Variants in ADGRV1 observed in about 807,000 individuals in gnomAD.
ADGRV1 encodes the protein adhesion G protein-coupled receptor V1.
In ADGRV1, 359 loss-of-function variants were observed where a neutral mutation model predicts 596.2. The observed-to-expected ratio is 0.60, with a 90% CI of 0.55 to 0.66. The LOEUF (loss-of-function observed/expected upper bound fraction) is 0.66, where lower values mean the gene tolerates loss of function less well. Ranked by LOEUF, ADGRV1 falls within the 30% of genes least tolerant of loss-of-function variation. The pLI, the probability that ADGRV1 is intolerant of heterozygous loss-of-function variation, is 0.00. For missense variants in ADGRV1, 7,274 were observed against 7,575.6 expected, an observed-to-expected ratio of 0.96 and a Z score of 1.48; for synonymous variants, 2,681 against 2,679.2, an observed-to-expected ratio of 1.00 and a Z score of -0.02.
chr5:90,725,534 ACT>A lies in ADGRV1; in HGVS notation c.10054-12_10054-11del. 1 of 1,317,546 alleles carries A rather than the reference ACT, an allele frequency of 7.6e-7. No individual in the cohort carries two copies. Among genetic ancestry groups the A allele is most frequent in the Non-Finnish European group, 1.1e-6 (1 of 911,544 alleles). 81.6% of individuals were successfully genotyped at this position (1,317,546 alleles called of 1,614,324 possible). A position where few individuals can be genotyped will look rare whatever the true frequency, so the allele number is the denominator to read the frequency against. ...AACTCTCCTTTAAGTTTTCATTCCC[ACT>A]CTGTCCTTGCAGGTACAAACAATCA... is the stretch of plus-strand genomic sequence containing the variant. On this transcript the variant is annotated splice_polypyrimidine_tract_variant and intron_variant, in intron 47 of 89. Coordinates refer to ENST00000405460, the MANE Select transcript of ADGRV1 (RefSeq NM_032119.4).
Position 90,635,274 on chromosome 5 carries a change from AT to A in ADGRV1, c.2004del (p.Phe668LeufsTer25). 1 of 1,611,402 alleles carries A rather than the reference AT, an allele frequency of 6.2e-7. No homozygotes were observed. The highest frequency in any genetic ancestry group is 8.5e-7 in the Non-Finnish European group (1 of 1,178,768). On this transcript the variant is annotated frameshift_variant, in exon 10 of 90. Transcript: ENST00000405460. LOFTEE classifies it high-confidence loss of function. ...NLPIILHEPE[D>X]FAAEVVYIPL... ...CCAATTATTTTGCATGAACCAGAAG[AT>A]TTTGCTGCTGAAGTGGTAAGTAGGC...
chr5:90,690,112 C>G, intron 30 of ADGRV1, 36 bp downstream of exon 30: 1 of 1,148,676 alleles, frequency 8.7e-7, no homozygotes, highest in Non-Finnish European at 1.3e-6. Context: ...TTTGACTTGT[C>G]TGCATGTATA....
In ADGRV1 at chr5:91,072,447, G is replaced by T; in HGVS notation, c.18153G>T (p.Leu6051=). ...SQIYGLIHGD[L]CFIPNVYAAL... ...TTACTTCTTCTCATTTCTCTTCCAG[G>T]TGTTTTATTCCAAACGTCTATGCTG... Residue 6051 remains leucine, a splice_region_variant and synonymous_variant, in exon 86 of 90, where the codon CTG becomes CTT. Transcript: ENST00000405460. 2.5e-6 allele frequency: 4 copies of T among 1,612,930 alleles called. No homozygotes were observed. Among genetic ancestry groups the T allele is most frequent in the Non-Finnish European group, 3.4e-6 (4 of 1,179,018 alleles).
In ADGRV1 at chr5:90,739,313, C is replaced by T. The variant is rs142545317; in HGVS notation, c.10550-5733C>T. Among the ~76,000 whole-genome samples the T allele has an allele frequency of 1.4e-3, 213 of 151,994 alleles. 1 individual carries two copies. The highest frequency in any genetic ancestry group is 4.6e-3 in the African/African-American group (189 of 41,434). ...TATAGATCTCCATTTCTTCAAGATCCATTATTGGAACTTTATTAATTTCTT... is the reference window on the plus strand; with the variant it reads ...TATAGATCTCCATTTCTTCAAGATCTATTATTGGAACTTTATTAATTTCTT... On this transcript the variant is annotated intron_variant, in intron 50 of 89. Transcript: ENST00000405460.
At chr5:90,654,561 G>T (rs1417820223) in intron 20 of ADGRV1, 1 of 156,220 alleles carries the variant, frequency 6.4e-6, no homozygotes, top group Admixed American at 6.2e-5. Flanking sequence ...ACATTTGTGT[G>T]TGTGTGCACA....
At chr5:90,965,773 A>G (rs1778401175) in intron 84 of ADGRV1, among the ~76,000 whole-genome samples, 2 of 152,234 alleles carry the variant, frequency 1.3e-5, no homozygotes, top group Non-Finnish European at 2.9e-5. Context: ...TTAGAGATGA[A>G]GTCTGCAATG....
intron 1 of ADGRV1, 145 bp from the exon 2 acceptor site, chr5:90,614,690 T>C: frequency 1.4e-6 from 1 of 712,198 alleles, no homozygotes; most frequent in East Asian, 2.7e-5. Flanking sequence ...CATATTTGAG[T>C]TTGATGGCTT....
chr5:90,686,413 G>C (rs1745655287), intron 29 of ADGRV1, among the ~76,000 whole-genome samples: 2 of 151,984 alleles, frequency 1.3e-5, no homozygotes, highest in Admixed American at 1.3e-4. Flanking sequence ...CCCTTTCTGT[G>C]TCCATGTGTT....
At chr5:90,819,148 G>A (rs950548391) in intron 75 of ADGRV1, among the ~76,000 whole-genome samples, 7 of 152,268 alleles carry the variant, frequency 4.6e-5, no homozygotes, top group African/African-American at 1.4e-4. Context: ...TCTTGGGAGA[G>A]TGTATGTGTC....
rs751190316 is a variant in ADGRV1, at chr5:90,750,644, A to G, written c.11068A>G (p.Ile3690Val). 6.2e-7 allele frequency: 1 copy of G among 1,612,788 alleles called. No homozygotes were observed. Among genetic ancestry groups the G allele is most frequent in the Non-Finnish European group, 8.5e-7 (1 of 1,178,882 alleles). Residue 3690 changes from isoleucine to valine, a missense_variant, in exon 53 of 90, where the codon ATA (isoleucine) becomes GTA (valine). Ile to Val is a conservative substitution (Grantham distance 29). Around this residue, in one of 5 missense-constraint regions of ADGRV1, gnomAD observed 3,643 missense variants for 3,809.2 expected, o/e 0.96. Transcript: ENST00000405460. ...RLKGTYGRIT[I>V]AWEADGSISD... ...AAAAGGAACATATGGCCGTATAACC[A>G]TAGCATGGGAAGCTGATGGAAGTAT...
At position 90,628,851 on chromosome 5, in the gene ADGRV1, T is replaced by C. The variant is rs1224518386; in HGVS notation, c.1509+19T>C. 1.9e-6 allele frequency: 3 copies of C among 1,604,806 alleles called. No homozygotes were observed. Among genetic ancestry groups the C allele is most frequent in the Non-Finnish European group, 2.6e-6 (3 of 1,173,902 alleles). Reference sequence around the variant, plus strand: ...AGCGGAGGTATAACCCTTGTTATGCTTTATGCTTGTTAATATTTCTGTGCT... The same window carrying C: ...AGCGGAGGTATAACCCTTGTTATGCCTTATGCTTGTTAATATTTCTGTGCT... On this transcript the variant is annotated intron_variant, in intron 8 of 89. Transcript: ENST00000405460.
chr5:90,571,540 G>A (rs377547118), intron 1 of ADGRV1, among the ~76,000 whole-genome samples: 6 of 152,050 alleles, frequency 3.9e-5, no homozygotes, highest in African/African-American at 1.4e-4. Flanking sequence ...ATTACCTCTG[G>A]CAGCTATTAT....
intron 86 of ADGRV1, among the ~76,000 whole-genome samples, chr5:91,088,124 A>T (rs1212144054): frequency 1.3e-5 from 2 of 152,216 alleles, no homozygotes; most frequent in African/African-American, 4.8e-5. Flanking sequence ...GCTTATAGGA[A>T]AAATTTAAAT....
chr5:90,725,779 A>G, intron 48 of ADGRV1, 123 bp downstream of exon 48: 1 of 617,432 alleles, frequency 1.6e-6, no homozygotes, highest in Middle Eastern at 4.5e-4. Flanking sequence ...TGATTGTGGT[A>G]AAGTAGAATG....
intron 86 of ADGRV1, among the ~76,000 whole-genome samples, chr5:91,091,147 A>T (rs1790349437): frequency 6.6e-6 from 1 of 152,120 alleles, no homozygotes; most frequent in Non-Finnish European, 1.5e-5. Context: ...CTTGCAGCAC[A>T]CTTTTTCTCC....
rs753232343 is a variant in ADGRV1 at position 90,728,714 on chromosome 5, C to T, written c.10207C>T (p.Pro3403Ser). ...GGSFVLHQKL[P>S]VRGVLTVALF... ...AAGCTTCGTGTTGCATCAAAAACTC[C>T]CTGTCCGAGGTGTGCTGACCGTGGC... The change falls in exon 49 of 90, where the codon CCT becomes TCT. Residue 3403 changes from proline (P) to serine (S), a missense_variant. Pro to Ser is a moderately conservative substitution (Grantham distance 74). Transcript: ENST00000405460. 6.2e-7 allele frequency: 1 copy of T among 1,613,168 alleles called. No individual in the cohort carries two copies. The highest frequency in any genetic ancestry group is 1.7e-5 in the Admixed American group (1 of 59,944).
intron 59 of ADGRV1, among the ~76,000 whole-genome samples, chr5:90,768,523 A>C (rs1437408451): frequency 6.6e-6 from 1 of 152,208 alleles, no homozygotes; most frequent in Non-Finnish European, 1.5e-5. Flanking sequence ...TACCTACGGT[A>C]CATCCCAGGT....
chr5:90,624,998 A>T, intron 5 of ADGRV1, 132 bp from the exon 6 acceptor site: 1 of 614,308 alleles, frequency 1.6e-6, no homozygotes, highest in South Asian at 2.1e-5. Flanking sequence ...GGGCAGAATG[A>T]TGTATGGGTT....
At chr5:90,845,746 T>A (rs1765821004) in intron 78 of ADGRV1, among the ~76,000 whole-genome samples, 1 of 152,224 alleles carries the variant, frequency 6.6e-6, no homozygotes, top group African/African-American at 2.4e-5. Flanking sequence ...AGCTGTGTTA[T>A]TTTTTGCCTC....
Sources: gnomAD v4.1 joint callset for allele counts (sites outside exome capture counted in the v4.1 genomes callset) on GRCh38, gnomAD v4.1.1 for gene constraint, gnomAD v4.1.1 regional missense constraint, MANE v1.5 for transcripts, NCBI Gene and HGNC (gene_info 2026-07-23, HGNC 2026-07-21) for gene names.